The following ZFYVE16 variants were observed in gnomAD, a reference collection of about 807,000 sequenced individuals.
ZFYVE16 encodes zinc finger FYVE domain-containing protein 16.
In ZFYVE16, 89 loss-of-function variants were observed where a neutral mutation model predicts 138.1. That is an observed-to-expected ratio of 0.64 (90% CI 0.54 to 0.77). The LOEUF (loss-of-function observed/expected upper bound fraction) is 0.77. ZFYVE16 is among the 30% of genes least tolerant of loss of function. The pLI, the probability that ZFYVE16 is intolerant of heterozygous loss-of-function variation, is 0.00. For synonymous variants in ZFYVE16, 596 were observed against 618.3 expected (o/e 0.96, Z 0.53); for missense variants, 1,793 against 1,786.7 (o/e 1.00, Z -0.06).
Position 80,438,072 on chromosome 5 carries a change from A to G in ZFYVE16, c.1387A>G (p.Ile463Val). 1 of 1,614,136 alleles carries G rather than the reference A, an allele frequency of 6.2e-7. No individual in the cohort carries two copies. The highest frequency in any genetic ancestry group is 8.5e-7 in the Non-Finnish European group (1 of 1,179,972). The change falls in exon 4 of 19, where the codon ATC (isoleucine) becomes GTC (valine). Residue 463 changes from isoleucine (I) to valine (V), a missense_variant. Ile to Val is a conservative substitution (Grantham distance 29). This residue lies in a region of ZFYVE16 where 1,295 missense variants were observed against 1,204.3 expected (regional missense o/e 1.08). Coordinates refer to ENST00000505560, the MANE Select transcript of ZFYVE16 (RefSeq NM_001284236.3). Reference protein sequence around the residue: ...DRKIDPDQTVIRAESLDGGDT... With the variant: ...DRKIDPDQTVVRAESLDGGDT... ...AAAGATAGATCCTGACCAGACAGTA[A>G]TCAGAGCTGAGTCTTTGGATGGTGG... is the stretch of plus-strand genomic sequence containing the variant.
chr5:80,446,478 A>G (rs1042286821), intron 7 of ZFYVE16, among the ~76,000 whole-genome samples: 11 of 152,128 alleles, frequency 7.2e-5, no homozygotes, highest in African/African-American at 2.4e-4. Context: ...CATTTTTGCC[A>G]ATTTCTTTAA....
At chr5:80,445,467 G>A in intron 7 of ZFYVE16, 62 bp downstream of exon 7, 1 of 1,469,776 alleles carries the variant, frequency 6.8e-7, no homozygotes, top group Non-Finnish European at 9.2e-7. Flanking sequence ...GATAATTCCT[G>A]GTGTGATTAT....
chr5:80,424,011 T>A (rs1015357043), intron 1 of ZFYVE16, among the ~76,000 whole-genome samples: 11 of 151,600 alleles, frequency 7.3e-5, no homozygotes, highest in African/African-American at 2.4e-4. Flanking sequence ...AATGGTGGGA[T>A]CTTGGCTCAC....
Position 80,482,360 on chromosome 5 carries a change from A to C in ZFYVE16, c.*4983A>C, listed in dbSNP as rs907142358. Reference sequence around the variant, plus strand: ...ATTTGAAGATACATGAGCAGAAATTATCTAGTCTGAATGACAGAGAAAAAA... The same window carrying C: ...ATTTGAAGATACATGAGCAGAAATTCTCTAGTCTGAATGACAGAGAAAAAA... On this transcript the variant is annotated 3_prime_UTR_variant, in exon 19 of 19. Coordinates refer to ENST00000505560, the MANE Select transcript of ZFYVE16 (RefSeq NM_001284236.3). The C allele has an allele frequency of 1.3e-5, 2 of 152,252 alleles. No individual in the cohort carries two copies. The highest frequency in any genetic ancestry group is 4.8e-5 in the African/African-American group (2 of 41,470). 9.4% of individuals were successfully genotyped at this position (152,252 alleles called of 1,614,324 possible). A position where few individuals can be genotyped will look rare whatever the true frequency, so the allele number is the denominator to read the frequency against.
chr5:80,440,657 G>GGTGTGTGTGTGTGTGTGTGTGTGTGT (rs141202687), intron 5 of ZFYVE16: 4 of 749,694 alleles, frequency 5.3e-6, no homozygotes, highest in Admixed American at 1.6e-4. Flanking sequence ...AGTTCTCACA[G>GGTGTGTGTGTGTGTGTGTGTGTGTGT]GTGTGTGTGT....
rs573390469 is a variant in ZFYVE16, at chr5:80,447,133, G to A, written c.2725-893G>A. Among the ~76,000 whole-genome samples, 68 of 151,910 alleles carry A rather than the reference G, an allele frequency of 4.5e-4. No individual in the cohort carries two copies. In the South Asian group the frequency reaches 0.013, roughly 30 times the overall value. ...ACAAAAATTAGCCAGGTATTGTGGC[G>A]CATGCCTGTAGTCTCAGCTACTAGG... On this transcript the variant is annotated intron_variant, in intron 7 of 18. Coordinates refer to ENST00000505560, the MANE Select transcript of ZFYVE16 (RefSeq NM_001284236.3).
Position 80,451,653 on chromosome 5 carries a change from C to T in ZFYVE16, c.3551C>T (p.Pro1184Leu), listed in dbSNP as rs200092395. 2 of 1,613,746 alleles carry T rather than the reference C, an allele frequency of 1.2e-6. No homozygotes were observed. Among genetic ancestry groups the T allele is most frequent in the Non-Finnish European group, 1.7e-6 (2 of 1,179,904 alleles). Residue 1184 changes from proline (P) to leucine (L), a missense_variant, in exon 11 of 19, where the codon CCC (proline) becomes CTC (leucine). Physicochemically the swap from Pro to Leu is moderately conservative, Grantham distance 98. This residue lies in a region of ZFYVE16 where 498 missense variants were observed against 582.4 expected (regional missense o/e 0.86). Coordinates refer to ENST00000505560, the MANE Select transcript of ZFYVE16 (RefSeq NM_001284236.3). ...ATTCTTATCCAGAAGCTTGAGATTCCCTGGGCAAAGGTTTTTCCTATGCGT... is the reference window on the plus strand; with the variant it reads ...ATTCTTATCCAGAAGCTTGAGATTCTCTGGGCAAAGGTTTTTCCTATGCGT... ...CGILIQKLEI[P>L]WAKVFPMRLM...
In ZFYVE16 at chr5:80,456,578, GT is replaced by G; in HGVS notation, c.3795+17del. The G allele has an allele frequency of 6.3e-7, 1 of 1,589,884 alleles. No individual in the cohort carries two copies. Among genetic ancestry groups the G allele is most frequent in the East Asian group, 2.2e-5 (1 of 44,572 alleles). ...AAAGTACAGTGATGTAAGTATAATT[GT>G]TTTATTCAAATGACAATTATTGAAC... On this transcript the variant is annotated intron_variant, in intron 13 of 18. Coordinates refer to ENST00000505560, the MANE Select transcript of ZFYVE16 (RefSeq NM_001284236.3).
rs1456460819 is a variant in ZFYVE16 at position 80,464,943 on chromosome 5, G to A, written c.4024+5449G>A. On this transcript the variant is annotated intron_variant, in intron 15 of 18. Transcript: ENST00000505560. ...TATAAAAACTTTACTCCTGTTTATC[G>A]TTTCCTCTCTACTCCTTTGTGTCAT... is the stretch of plus-strand genomic sequence containing the variant. 9.9e-5 allele frequency among the ~76,000 whole-genome samples: 15 copies of A among 151,734 alleles called. 1 individual carries two copies. Among genetic ancestry groups the A allele is most frequent in the East Asian group, 9.7e-4 (5 of 5,172 alleles).
rs532881112 is a variant in ZFYVE16, at chr5:80,408,354, C to T, written c.-94+201C>T. On this transcript the variant is annotated intron_variant, in intron 1 of 18. Coordinates refer to ENST00000505560, the MANE Select transcript of ZFYVE16 (RefSeq NM_001284236.3). ...AACCCTGGCCCTCCAATCTGATGTC[C>T]CCTCCTGGAGCCTGAAGGGCCAGAC... 7.2e-5 allele frequency among the ~76,000 whole-genome samples: 11 copies of T among 152,368 alleles called. No individual in the cohort carries two copies. The South Asian group carries it at 2.3e-3, about 32-fold the overall frequency.
intron 15 of ZFYVE16, 138 bp downstream of exon 15, chr5:80,459,632 G>T: frequency 1.5e-6 from 1 of 659,022 alleles, no homozygotes. Context: ...TCATCAACCA[G>T]CACAAGAAGT....
intron 8 of ZFYVE16, 46 bp downstream of exon 8, chr5:80,448,450 C>T: frequency 2.9e-6 from 4 of 1,389,160 alleles, no homozygotes; most frequent in Non-Finnish European, 3.7e-6. Flanking sequence ...AAAATATATA[C>T]TGATGAATTT....
chr5:80,428,909 AAG>A (rs1351647071), intron 2 of ZFYVE16, among the ~76,000 whole-genome samples: 1 of 152,200 alleles, frequency 6.6e-6, no homozygotes, highest in Non-Finnish European at 1.5e-5. Context: ...TTAGAGAAAA[AAG>A]AATAAAAAGA....
chr5:80,426,201 GGTGTGTGTGTGTGT>G (rs67789869), intron 1 of ZFYVE16, among the ~76,000 whole-genome samples: 1 of 139,642 alleles, frequency 7.2e-6, no homozygotes, highest in African/African-American at 2.8e-5. Flanking sequence ...GTGTGTGTGT[GGTGTGTGTGTGTGT>G]GTGTGTGTGT....
At chr5:80,426,272 G>GTGTGTGTGTGTGTA (rs1370196862) in intron 1 of ZFYVE16, among the ~76,000 whole-genome samples, 2 of 26,400 alleles carry the variant, frequency 7.6e-5, no homozygotes, top group African/African-American at 1.2e-4. Context: ...GTGTGTGTGT[G>GTGTGTGTGTGTGTA]TATATATATA....
chr5:80,433,443 G>A (rs1749401630), intron 2 of ZFYVE16, among the ~76,000 whole-genome samples: 2 of 152,124 alleles, frequency 1.3e-5, no homozygotes, highest in Admixed American at 1.3e-4. Context: ...GTCGTGGTGT[G>A]GGGAGATGTG....
Position 80,437,169 on chromosome 5 carries a change from A to G in ZFYVE16, c.484A>G (p.Ile162Val). 6.2e-7 allele frequency: 1 copy of G among 1,614,024 alleles called. No individual in the cohort carries two copies. The highest frequency in any genetic ancestry group is 8.5e-7 in the Non-Finnish European group (1 of 1,179,970). Residue 162 changes from isoleucine to valine, a missense_variant, in exon 4 of 19, where the codon ATT becomes GTT. Ile to Val is a conservative substitution (Grantham distance 29, BLOSUM62 3). This residue lies in a region of ZFYVE16 where 1,295 missense variants were observed against 1,204.3 expected (regional missense o/e 1.08). Coordinates refer to ENST00000505560, the MANE Select transcript of ZFYVE16 (RefSeq NM_001284236.3). ...TTTTAAGTCTAATGCAGATTCCTTG[A>G]TTGGATTGGATTTATCTTCAGTGTC... ...DDFKSNADSL[I>V]GLDLSSVSDT... is the part of the protein sequence containing the mutation.
chr5:80,474,036 T>C (rs1019031386), intron 17 of ZFYVE16, among the ~76,000 whole-genome samples, 177 bp downstream of exon 17: 3 of 152,210 alleles, frequency 2.0e-5, no homozygotes, highest in Non-Finnish European at 4.4e-5. Context: ...TGGATTTCCA[T>C]AGGGTTAGTT....
Position 80,438,767 on chromosome 5 carries a change from A to G in ZFYVE16, c.2082A>G (p.Thr694=). 6.2e-7 allele frequency: 1 copy of G among 1,614,156 alleles called. No homozygotes were observed. The highest frequency in any genetic ancestry group is 1.3e-5 in the African/African-American group (1 of 75,066). Residue 694 remains threonine, a synonymous_variant, in exon 4 of 19, where the codon ACA becomes ACG. Transcript: ENST00000505560. ...VVPITCAIDS[T]ADPQVSFNSN... is the part of the protein sequence containing the mutation. ...CAATCACTTGTGCTATAGATTCTAC[A>G]GCTGATCCACAGGTTAGCTTCAACT...
Sources: allele counts gnomAD v4.1 joint callset (sites outside exome capture counted in the v4.1 genomes callset), GRCh38; gene constraint gnomAD v4.1.1; regional missense constraint gnomAD v4.1.1; transcripts MANE v1.5; gene names NCBI Gene and HGNC (gene_info 2026-07-23, HGNC 2026-07-21).